The following BRDT variants were observed in gnomAD, a reference collection of about 807,000 sequenced individuals.
BRDT encodes the protein bromodomain testis associated.
Under a neutral mutation model 113.9 loss-of-function variants are expected in BRDT, and 77 were observed. The observed-to-expected ratio is 0.68, with a 90% CI of 0.56 to 0.82. The LOEUF is 0.82. Among genes scored for constraint, BRDT ranks in the 40% least tolerant of loss-of-function variants. The pLI is 0.00. For synonymous variants in BRDT, 358 were observed against 366.5 expected, an observed-to-expected ratio of 0.98 and a Z score of 0.26; for missense variants, 1,027 against 1,105.4, an observed-to-expected ratio of 0.93 and a Z score of 1.01.
intron 2 of BRDT, 116 bp from the exon 3 acceptor site, chr1:91,964,511 A>G: frequency 1.5e-6 from 1 of 656,954 alleles, no homozygotes; most frequent in Non-Finnish European, 2.2e-6. Context: ...TGGCTTTTTA[A>G]AGATAATCAG....
intron 12 of BRDT, among the ~76,000 whole-genome samples, chr1:91,983,978 C>T (rs910478143): frequency 1.3e-5 from 2 of 152,188 alleles, no homozygotes; most frequent in African/African-American, 2.4e-5. Flanking sequence ...CCTGAAGTGG[C>T]AAGTTTTTAT....
At chr1:91,986,251 G>A (rs1010748702) in intron 12 of BRDT, among the ~76,000 whole-genome samples, 1 of 152,006 alleles carries the variant, frequency 6.6e-6, no homozygotes, top group Non-Finnish European at 1.5e-5. Flanking sequence ...CAACAATCTT[G>A]GGGTTACCTT....
intron 15 of BRDT, among the ~76,000 whole-genome samples, chr1:91,994,798 G>A (rs12735266): frequency 0.19 from 27,245 of 144,420 alleles, 3,382 homozygotes; most frequent in Middle Eastern, 0.28. Context: ...AACCCAGGAG[G>A]CGGAGCTTGC....
intron 3 of BRDT, 103 bp from the exon 4 acceptor site, chr1:91,968,043 A>G (rs899725633): frequency 2.7e-6 from 3 of 1,127,196 alleles, no homozygotes; most frequent in African/African-American, 3.1e-5. Flanking sequence ...AATACCGTCT[A>G]GGAGTACTAT....
Position 92,004,109 on chromosome 1 carries a change from A to G in BRDT, c.2389-305A>G, listed in dbSNP as rs565963887. 2.0e-5 allele frequency among the ~76,000 whole-genome samples: 3 copies of G among 152,146 alleles called. No homozygotes were observed. In the South Asian group the frequency reaches 6.2e-4, roughly 32 times the overall value. ...ATAAGTATCTTGATTACACTGAGGG[A>G]TTTATTTATTTTTATGCTTTCTGCA... On this transcript the variant is annotated intron_variant, in intron 16 of 18. Coordinates refer to ENST00000399546, the MANE Select transcript of BRDT (RefSeq NM_207189.4).
chr1:92,007,750 C>T (rs767023199), intron 18 of BRDT, among the ~76,000 whole-genome samples: 9 of 152,190 alleles, frequency 5.9e-5, no homozygotes, highest in Non-Finnish European at 1.3e-4. Context: ...AGCTTTACAA[C>T]AGTTACTTCC....
At chr1:91,958,214 C>CTTTTT (rs35049237) in intron 1 of BRDT, among the ~76,000 whole-genome samples, 6 of 127,326 alleles carry the variant, frequency 4.7e-5, no homozygotes, top group East Asian at 2.3e-4. Context: ...AACTCATGCC[C>CTTTTT]TTTTTTTTTT....
At chr1:91,972,722 A>C (rs1683746382) in intron 4 of BRDT, among the ~76,000 whole-genome samples, 1 of 152,206 alleles carries the variant, frequency 6.6e-6, no homozygotes, top group African/African-American at 2.4e-5. Flanking sequence ...CTCACTATGC[A>C]TATCTAATTA....
chr1:91,959,593 A>G (rs1271231056), intron 1 of BRDT, among the ~76,000 whole-genome samples: 3 of 151,578 alleles, frequency 2.0e-5, no homozygotes, highest in Non-Finnish European at 4.4e-5. Context: ...TGGTCCTTCC[A>G]CTTCAGCCTC....
intron 1 of BRDT, chr1:91,950,918 G>A (rs1443286032): frequency 1.3e-5 from 2 of 152,026 alleles, no homozygotes; most frequent in Non-Finnish European, 2.9e-5. Context: ...CTAGCTAGTT[G>A]GGAGGCTGAG....
rs374044683 is a variant in BRDT, at chr1:92,007,896, TATTCATTCATTC to T, written c.2775+2614_2775+2625del. ...TCATTCCTTTATTTATTTATTTATT[TATTCATTCATTC>T]ATTCATTCATTCATTCGTTTATTTT... On this transcript the variant is annotated intron_variant, in intron 18 of 18. Transcript: ENST00000399546. 3.3e-5 allele frequency among the ~76,000 whole-genome samples: 5 copies of T among 150,662 alleles called. No homozygotes were observed. The East Asian group carries it at 5.8e-4, about 17-fold the overall frequency.
chr1:91,964,514 A>G, intron 2 of BRDT, 113 bp from the exon 3 acceptor site: 4 of 666,502 alleles, frequency 6.0e-6, no homozygotes, highest in Non-Finnish European at 6.6e-6. Flanking sequence ...CTTTTTAAAG[A>G]TAATCAGTTG....
Position 91,964,719 on chromosome 1 carries a change from A to G in BRDT, c.285A>G (p.Ile95Met). Residue 95 changes from isoleucine to methionine, a missense_variant, in exon 3 of 19, where the codon ATA becomes ATG. Coordinates refer to ENST00000399546, the MANE Select transcript of BRDT (RefSeq NM_207189.4). ...ATTATGCGAAGGCTTCAGAATGTAT[A>G]GAAGACTTCAATACAATGTTCTCAA... ...NKYYAKASEC[I>M]EDFNTMFSNC... The G allele has an allele frequency of 6.6e-7, 1 of 1,515,430 alleles. No individual in the cohort carries two copies. Among genetic ancestry groups the G allele is most frequent in the East Asian group, 2.3e-5 (1 of 43,784 alleles). 93.9% of individuals were successfully genotyped at this position (1,515,430 alleles called of 1,614,324 possible).
intron 18 of BRDT, among the ~76,000 whole-genome samples, chr1:92,008,321 CT>C (rs1557869774): frequency 1.3e-5 from 2 of 152,156 alleles, no homozygotes; most frequent in Non-Finnish European, 2.9e-5. Flanking sequence ...GGCAATAGTT[CT>C]TTCCACTTTT....
intron 4 of BRDT, among the ~76,000 whole-genome samples, chr1:91,971,420 A>T (rs1683617992): frequency 6.6e-6 from 1 of 152,188 alleles, no homozygotes; most frequent in Non-Finnish European, 1.5e-5. Flanking sequence ...AGTTTAAAAG[A>T]CTTCTGACAG....
chr1:91,957,975 A>T (rs1190709451), intron 1 of BRDT, among the ~76,000 whole-genome samples: 1 of 151,918 alleles, frequency 6.6e-6, no homozygotes, highest in African/African-American at 2.4e-5. Flanking sequence ...AGCAGCTGGG[A>T]TTACTGGCAA....
chr1:91,979,208 G>A (rs561772565), intron 7 of BRDT, among the ~76,000 whole-genome samples: 1 of 151,032 alleles, frequency 6.6e-6, no homozygotes, highest in African/African-American at 2.4e-5. Flanking sequence ...CCGCCTCCCG[G>A]GTTCAAGCGA....
At chr1:91,959,795 TA>T (rs1412831728) in intron 1 of BRDT, among the ~76,000 whole-genome samples, 1 of 152,158 alleles carries the variant, frequency 6.6e-6, no homozygotes, top group African/African-American at 2.4e-5. Flanking sequence ...TGACTTTTAT[TA>T]AGTGCTATAT....
chr1:91,973,795 G>A (rs1176180434), intron 4 of BRDT, among the ~76,000 whole-genome samples: 2 of 152,030 alleles, frequency 1.3e-5, no homozygotes, highest in African/African-American at 4.8e-5. Context: ...GATTGCCTGG[G>A]CCAGAACTTC....
Sources: allele counts gnomAD v4.1 joint callset (sites outside exome capture counted in the v4.1 genomes callset), GRCh38; gene constraint gnomAD v4.1.1; transcripts MANE v1.5; gene names NCBI Gene and HGNC (gene_info 2026-07-23, HGNC 2026-07-21).